VIPR2: variants seen among roughly 807,000 people sequenced by gnomAD.
The protein encoded by VIPR2 is vasoactive intestinal peptide receptor 2, also known as vasoactive intestinal polypeptide receptor 2.
In VIPR2, 48 loss-of-function variants were observed where a neutral mutation model predicts 58.0. The observed-to-expected ratio is 0.83, with a 90% CI of 0.66 to 1.05. The LOEUF (loss-of-function observed/expected upper bound fraction) is 1.05. Among genes scored for constraint, VIPR2 ranks in the 50% least tolerant of loss-of-function variants. VIPR2 has a pLI of 0.00. For missense variants in VIPR2, 534 were observed against 558.0 expected (o/e 0.96, Z 0.43); for synonymous variants, 243 against 235.2 (o/e 1.03, Z -0.30).
chr7:159,135,353 A>C (rs1326441596), intron 2 of VIPR2, among the ~76,000 whole-genome samples: 1 of 152,044 alleles, frequency 6.6e-6, no homozygotes, highest in East Asian at 1.9e-4. Context: ...AATTGCTTCA[A>C]CCCAGGAGGC....
chr7:159,112,810 C>A (rs1343716244), intron 2 of VIPR2, among the ~76,000 whole-genome samples: 1 of 149,354 alleles, frequency 6.7e-6, no homozygotes, highest in African/African-American at 2.5e-5. Flanking sequence ...AGAGCCCCGA[C>A]TGTGAAGAGG....
rs1853577518 is a variant in VIPR2 at position 159,031,457 on chromosome 7, C to T, written c.1143+371G>A. ...GGGACTCACAGGACGCTGTGCAGCC[C>T]CACCCCCCAACCCAGGCCCGGCTTT... is the stretch of plus-strand genomic sequence containing the variant. On this transcript the variant is annotated intron_variant, in intron 12 of 12. Transcript: ENST00000262178. The surrounding 1 kb of genome is among the most constrained non-coding windows in gnomAD (Gnocchi z 4.0). 1 of 985,244 alleles carries T rather than the reference C, an allele frequency of 1.0e-6. No homozygotes were observed. The highest frequency in any genetic ancestry group is 1.7e-5 in the African/African-American group (1 of 57,226). 61.0% of individuals were successfully genotyped at this position (985,244 alleles called of 1,614,324 possible).
chr7:159,029,367 T>C lies in VIPR2; in HGVS notation c.*1249A>G, dbSNP rs2730220. The C allele has an allele frequency of 0.82, 123,933 of 152,012 alleles. 51,772 individuals carry two copies. Among genetic ancestry groups the C allele is most frequent in the South Asian group, 0.9 (4,326 of 4,808 alleles). 9.4% of individuals were successfully genotyped at this position (152,012 alleles called of 1,614,324 possible). A position where few individuals can be genotyped will look rare whatever the true frequency, so the allele number is the denominator to read the frequency against. On this transcript the variant is annotated 3_prime_UTR_variant, in exon 13 of 13. Transcript: ENST00000262178. Reference sequence around the variant, plus strand: ...CCTGATATCCCCACCCTTCTGCAGCTGGCTCAGCAACGTCCCCAGACACCC... The same window carrying C: ...CCTGATATCCCCACCCTTCTGCAGCCGGCTCAGCAACGTCCCCAGACACCC...
At chr7:159,060,147 C>T (rs1855558294) in intron 4 of VIPR2, among the ~76,000 whole-genome samples, 1 of 151,558 alleles carries the variant, frequency 6.6e-6, no homozygotes, top group Non-Finnish European at 1.5e-5. Context: ...ACCCTCACCT[C>T]ACCTAATCAC....
At chr7:159,133,206 C>T (rs1797054139) in intron 2 of VIPR2, among the ~76,000 whole-genome samples, 1 of 152,312 alleles carries the variant, frequency 6.6e-6, no homozygotes, top group Non-Finnish European at 1.5e-5. Context: ...TGCACACAAC[C>T]CTGAGCTATT....
intron 5 of VIPR2, among the ~76,000 whole-genome samples, chr7:159,055,937 G>C (rs1373670103): frequency 6.6e-6 from 1 of 152,232 alleles, no homozygotes; most frequent in Non-Finnish European, 1.5e-5. Flanking sequence ...ACCAGAGTCT[G>C]CTCATTAGCA....
At chr7:159,038,049 T>A (rs888955910) in intron 6 of VIPR2, among the ~76,000 whole-genome samples, 2 of 152,204 alleles carry the variant, frequency 1.3e-5, no homozygotes, top group Non-Finnish European at 2.9e-5. Flanking sequence ...AATATACTTT[T>A]TTATATATGG....
At chr7:159,123,403 A>G (rs903474983) in intron 2 of VIPR2, among the ~76,000 whole-genome samples, 4 of 150,126 alleles carry the variant, frequency 2.7e-5, no homozygotes, top group African/African-American at 9.7e-5. Flanking sequence ...GAGAATGTGT[A>G]GTATTTGGTT....
intron 4 of VIPR2, among the ~76,000 whole-genome samples, chr7:159,071,342 T>G (rs930223669): frequency 6.6e-6 from 1 of 152,220 alleles, no homozygotes; most frequent in African/African-American, 2.4e-5. Flanking sequence ...GCCTCCCATC[T>G]TGGCTTCCTT....
At chr7:159,030,864 C>G (rs1217415537) in intron 12 of VIPR2, 75 bp from the exon 13 acceptor site, 1 of 1,418,644 alleles carries the variant, frequency 7.0e-7, no homozygotes, top group South Asian at 1.5e-5. Flanking sequence ...GCGCGGCCCG[C>G]GAGCCTCCAG....
chr7:159,140,979 A>G (rs1238674683), intron 2 of VIPR2, among the ~76,000 whole-genome samples: 1 of 152,140 alleles, frequency 6.6e-6, no homozygotes, highest in Non-Finnish European at 1.5e-5. Context: ...AAGAAAGTGG[A>G]ATATTTTATA....
intron 4 of VIPR2, among the ~76,000 whole-genome samples, chr7:159,073,527 C>T (rs898603083): frequency 6.6e-6 from 1 of 152,168 alleles, no homozygotes; most frequent in Non-Finnish European, 1.5e-5. Flanking sequence ...AAGTGATTCT[C>T]ATGCCTTAGC....
intron 10 of VIPR2, 64 bp downstream of exon 10, chr7:159,034,149 T>C: frequency 1.9e-6 from 3 of 1,542,854 alleles, no homozygotes; most frequent in Non-Finnish European, 2.7e-6. Context: ...CCTGGCAGCG[T>C]GGGGGTCTCC....
intron 6 of VIPR2, among the ~76,000 whole-genome samples, chr7:159,039,015 A>G (rs2730224): frequency 0.75 from 113,753 of 152,154 alleles, 42,965 homozygotes; most frequent in East Asian, 0.81. Context: ...AGTGTGCATG[A>G]GAGCCACAGA....
Position 159,144,847 on chromosome 7 carries a change from G to A in VIPR2, c.-76C>T. On this transcript the variant is annotated 5_prime_UTR_variant, in exon 1 of 13. Transcript: ENST00000262178. The stretch of plus-strand genomic sequence containing the variant: ...GGTCCCCGCGGTTCCGCCGCCTCCA[G>A]CATGGGCCGGGAGCGAGTGCGCGGA... 8.3e-7 allele frequency: 1 copy of A among 1,208,650 alleles called. No individual in the cohort carries two copies. The highest frequency in any genetic ancestry group is 1.0e-6 in the Non-Finnish European group (1 of 968,170). The allele number at this position is 1,208,650 out of a possible 1,614,324, so 74.9% of individuals were successfully genotyped here.
intron 6 of VIPR2, among the ~76,000 whole-genome samples, chr7:159,037,619 A>G (rs1239009779): frequency 6.6e-6 from 1 of 152,224 alleles, no homozygotes; most frequent in Non-Finnish European, 1.5e-5. Flanking sequence ...AAAGGGGAAA[A>G]CAAGAGAAAT....
At position 159,127,608 on chromosome 7, in the gene VIPR2, C is replaced by T. The variant is rs1384525962; in HGVS notation, c.151+14838G>A. Among the ~76,000 whole-genome samples, 2 of 152,162 alleles carry T rather than the reference C, an allele frequency of 1.3e-5. No individual in the cohort carries two copies. Among genetic ancestry groups the T allele is most frequent in the Non-Finnish European group, 2.9e-5 (2 of 68,040 alleles). On this transcript the variant is annotated intron_variant, in intron 2 of 12. Coordinates refer to ENST00000262178, the MANE Select transcript of VIPR2 (RefSeq NM_003382.5). The surrounding 1 kb of genome is among the most constrained non-coding windows in gnomAD (Gnocchi z 4.6). Reference sequence around the variant, plus strand: ...TAAAGAGAAGGCATCATTGCAAATGCCTCAGAGGTGGGAGTCTCTTCCACA... The same window carrying T: ...TAAAGAGAAGGCATCATTGCAAATGTCTCAGAGGTGGGAGTCTCTTCCACA...
intron 4 of VIPR2, among the ~76,000 whole-genome samples, chr7:159,086,770 C>G (rs1285212059): frequency 6.6e-6 from 1 of 152,224 alleles, no homozygotes; most frequent in Non-Finnish European, 1.5e-5. Context: ...TGCTTCCCAC[C>G]CCGTAGGATG....
At chr7:159,061,308 C>G (rs1291426475) in intron 4 of VIPR2, among the ~76,000 whole-genome samples, 1 of 145,268 alleles carries the variant, frequency 6.9e-6, no homozygotes, top group Non-Finnish European at 1.5e-5. Flanking sequence ...ATCCAGGTAA[C>G]AAGCCTGCCC....
Sources: gnomAD v4.1 joint callset for allele counts (sites outside exome capture counted in the v4.1 genomes callset) on GRCh38, gnomAD v4.1.1 for gene constraint, Gnocchi (gnomAD v3.1) non-coding constraint, MANE v1.5 for transcripts, NCBI Gene and HGNC (gene_info 2026-07-23, HGNC 2026-07-21) for gene names.